ZNF541: variants seen among roughly 807,000 people sequenced by gnomAD.
ZNF541 encodes the protein zinc finger protein 541.
In ZNF541, 23 loss-of-function variants were observed where a neutral mutation model predicts 123.5. The observed-to-expected ratio is 0.19, with a 90% CI of 0.13 to 0.26. The LOEUF (loss-of-function observed/expected upper bound fraction) is 0.26. Among genes scored for constraint, ZNF541 ranks in the 10% least tolerant of loss-of-function variants. The pLI is 1.00. For missense variants in ZNF541, 1,612 were observed against 1,789.9 expected (o/e 0.90, Z 1.79); for synonymous variants, 751 against 754.5 (o/e 1.00, Z 0.08).
chr19:47,544,629 C>T lies in ZNF541; in HGVS notation c.1900G>A (p.Val634Ile), dbSNP rs1970237324. 8.4e-6 allele frequency: 13 copies of T among 1,549,784 alleles called. No individual in the cohort carries two copies. Among genetic ancestry groups the T allele is most frequent in the South Asian group, 7.1e-5 (6 of 84,008 alleles). Residue 634 changes from valine to isoleucine, a missense_variant, in exon 5 of 17, where the codon GTT becomes ATT. Physicochemically the swap from Val to Ile is conservative, Grantham distance 29. Coordinates refer to ENST00000391901, the MANE Select transcript of ZNF541 (RefSeq NM_001277075.3). The stretch of plus-strand genomic sequence containing the variant: ...CTGCCGGGGGAGGCCTCTCTGGGAA[C>T]CCCGGGTGTGGTTTTTCTCCTGCGG... ...PARRRKTTPG[V>I]PREASPGSTR...
chr19:47,533,757 C>T (rs1336716882), intron 9 of ZNF541, among the ~76,000 whole-genome samples: 1 of 152,116 alleles, frequency 6.6e-6, no homozygotes. Context: ...GCAGGAATCA[C>T]TTGAACCTGG....
intron 9 of ZNF541, among the ~76,000 whole-genome samples, chr19:47,537,145 G>A (rs551124810): frequency 1.2e-4 from 18 of 152,316 alleles, no homozygotes; most frequent in Admixed American, 3.9e-4. Context: ...GATGCTAAGC[G>A]TGCTCTAAAA....
At position 47,532,114 on chromosome 19, in the gene ZNF541, A is replaced by G. The variant is rs1969600933; in HGVS notation, c.3301+14T>C. On this transcript the variant is annotated intron_variant, in intron 11 of 16. Coordinates refer to ENST00000391901, the MANE Select transcript of ZNF541 (RefSeq NM_001277075.3). The stretch of plus-strand genomic sequence containing the variant: ...GAAGGGCCCTTAGGAATTTAGCCCC[A>G]AAGCCTCAGCCACCTCTATCCTGTG... The G allele has an allele frequency of 1.3e-5, 20 of 1,550,806 alleles. No homozygotes were observed. The highest frequency in any genetic ancestry group is 1.7e-5 in the Non-Finnish European group (20 of 1,146,558).
At chr19:47,532,313 G>A (rs1240922609) in intron 10 of ZNF541, 43 bp from the exon 11 acceptor site, 3 of 1,544,916 alleles carry the variant, frequency 1.9e-6, no homozygotes, top group Non-Finnish European at 2.6e-6. Context: ...GTACAAACAT[G>A]ACTGAGATGG....
chr19:47,525,101 A>G (rs1969223129), intron 14 of ZNF541, among the ~76,000 whole-genome samples: 1 of 151,996 alleles, frequency 6.6e-6, no homozygotes, highest in Admixed American at 6.6e-5. Flanking sequence ...CCTGGCCAAC[A>G]TGGTGAAACC....
At chr19:47,572,539 G>A (rs1163594173) in intron 1 of ZNF541, among the ~76,000 whole-genome samples, 1 of 152,056 alleles carries the variant, frequency 6.6e-6, no homozygotes, top group Non-Finnish European at 1.5e-5. Context: ...AAAGGAGGGG[G>A]AGGGGCATGT....
intron 2 of ZNF541, among the ~76,000 whole-genome samples, chr19:47,565,437 A>C (rs534895656): frequency 2.4e-4 from 36 of 152,308 alleles, no homozygotes; most frequent in Non-Finnish European, 3.8e-4. Context: ...CTCATGCCAA[A>C]AAGGACTACT....
intron 11 of ZNF541, 89 bp from the exon 12 acceptor site, chr19:47,531,834 G>T: frequency 8.2e-7 from 1 of 1,215,784 alleles, no homozygotes; most frequent in South Asian, 1.5e-5. Flanking sequence ...AGCAGAGAGG[G>T]GGTGCCTTCC....
intron 3 of ZNF541, among the ~76,000 whole-genome samples, chr19:47,552,540 G>A (rs769277567): frequency 5.3e-5 from 8 of 151,736 alleles, no homozygotes; most frequent in Non-Finnish European, 8.8e-5. Context: ...TATTAAAATC[G>A]AGACCATCCT....
At chr19:47,533,087 G>T in intron 9 of ZNF541, 115 bp from the exon 10 acceptor site, 1 of 939,490 alleles carries the variant, frequency 1.1e-6, no homozygotes, top group Non-Finnish European at 1.6e-6. Context: ...CCCATGGGTT[G>T]GCCGGGCACA....
At chr19:47,531,552 C>T (rs953038479) in intron 12 of ZNF541, 90 bp downstream of exon 12, 72 of 1,026,996 alleles carry the variant, frequency 7.0e-5, no homozygotes, top group African/African-American at 4.2e-4. Context: ...AGCTTCCATC[C>T]GCTCTGAACC....
At chr19:47,553,244 T>G (rs1485275107) in intron 3 of ZNF541, among the ~76,000 whole-genome samples, 1 of 152,010 alleles carries the variant, frequency 6.6e-6, no homozygotes, top group Non-Finnish European at 1.5e-5. Flanking sequence ...ATTTATTTAT[T>G]TATTTATTTG....
intron 9 of ZNF541, 36 bp from the exon 10 acceptor site, chr19:47,533,008 G>A (rs994447165): frequency 6.5e-7 from 1 of 1,536,382 alleles, no homozygotes. Context: ...CAAGAAGACA[G>A]ACAGCAGGTA....
At chr19:47,535,235 G>A (rs1969762469) in intron 9 of ZNF541, among the ~76,000 whole-genome samples, 1 of 152,274 alleles carries the variant, frequency 6.6e-6, no homozygotes, top group Non-Finnish European at 1.5e-5. Context: ...TTACAGGCGT[G>A]AGCCACCGCA....
At chr19:47,553,683 C>T (rs950582287) in intron 3 of ZNF541, among the ~76,000 whole-genome samples, 3 of 152,058 alleles carry the variant, frequency 2.0e-5, no homozygotes, top group South Asian at 2.1e-4. Context: ...GGATTACAGG[C>T]GTGAGCCACC....
At position 47,568,955 on chromosome 19, in the gene ZNF541, C is replaced by T. The variant is rs1485709836; in HGVS notation, c.-99+2941G>A. Among the ~76,000 whole-genome samples the T allele has an allele frequency of 4.6e-5, 7 of 152,154 alleles. No individual in the cohort carries two copies. In the East Asian group the frequency reaches 1.3e-3, roughly 29 times the overall value. On this transcript the variant is annotated intron_variant, in intron 2 of 16. Transcript: ENST00000391901. ...AAAATGCTAGGATTACAGGCGTGAG[C>T]CACTGTGCCCAGCCTCCACTCCAAA...
intron 10 of ZNF541, among the ~76,000 whole-genome samples, chr19:47,532,474 T>G (rs1467800465): frequency 1.3e-5 from 2 of 152,108 alleles, no homozygotes; most frequent in Non-Finnish European, 2.9e-5. Context: ...ACTTCCTCCC[T>G]TCCTCTGTTT....
At chr19:47,566,702 T>C (rs755708810) in intron 2 of ZNF541, among the ~76,000 whole-genome samples, 5 of 142,590 alleles carry the variant, frequency 3.5e-5, no homozygotes, top group Non-Finnish European at 7.7e-5. Context: ...GCCAAGATCA[T>C]GCCACTGCAC....
rs1057139148 is a variant in ZNF541 at position 47,546,229 on chromosome 19, G to A, written c.549-249C>T. Among the ~76,000 whole-genome samples, 5 of 147,578 alleles carry A rather than the reference G, an allele frequency of 3.4e-5. No individual in the cohort carries two copies. In the South Asian group the frequency reaches 1.1e-3, roughly 31 times the overall value. Reference sequence around the variant, plus strand: ...AGTAAAAAAAAAAAAAAAAACCAGCGGGGCACAGTGGCTCATGCCTGTAAT... The same window carrying A: ...AGTAAAAAAAAAAAAAAAAACCAGCAGGGCACAGTGGCTCATGCCTGTAAT... On this transcript the variant is annotated intron_variant, in intron 4 of 16. Coordinates refer to ENST00000391901, the MANE Select transcript of ZNF541 (RefSeq NM_001277075.3).
Sources: gnomAD v4.1 joint callset for allele counts (sites outside exome capture counted in the v4.1 genomes callset) on GRCh38, gnomAD v4.1.1 for gene constraint, MANE v1.5 for transcripts, NCBI Gene and HGNC (gene_info 2026-07-23, HGNC 2026-07-21) for gene names.